The following RASGEF1A variants were observed in gnomAD, a reference collection of about 807,000 sequenced individuals.
RASGEF1A encodes ras-GEF domain-containing family member 1A.
A neutral mutation model predicts 56.4 loss-of-function variants in RASGEF1A; 18 were observed. The observed-to-expected ratio is 0.32, with a 90% CI of 0.22 to 0.47. The LOEUF (loss-of-function observed/expected upper bound fraction) is 0.47. RASGEF1A is among the 20% of genes least tolerant of loss of function. RASGEF1A has a pLI of 1.00. For missense variants in RASGEF1A, 422 were observed against 627.1 expected, an observed-to-expected ratio of 0.67 and a Z score of 3.49; for synonymous variants, 245 against 242.6, an observed-to-expected ratio of 1.01 and a Z score of -0.09.
At chr10:43,199,441 A>G (rs1398970905) in intron 7 of RASGEF1A, among the ~76,000 whole-genome samples, 1 of 152,210 alleles carries the variant, frequency 6.6e-6, no homozygotes, top group Non-Finnish European at 1.5e-5. Context: ...AAAGCCTCAC[A>G]CAGGCAAGAA....
rs947453440 is a variant in RASGEF1A at position 43,196,727 on chromosome 10, C to T, written c.1349-179G>A. On this transcript the variant is annotated intron_variant, in intron 11 of 12. Transcript: ENST00000395810. The surrounding 1 kb of genome is among the most constrained non-coding windows in gnomAD (Gnocchi z 4.6). ...TGTTGGGGACTCTAGGAAGGTTCCT[C>T]GTGTTGCAGCACCTGACCTAAGCCC... is the stretch of plus-strand genomic sequence containing the variant. Among the ~76,000 whole-genome samples the T allele has an allele frequency of 2.0e-5, 3 of 152,190 alleles. No homozygotes were observed. Among genetic ancestry groups the T allele is most frequent in the Non-Finnish European group, 2.9e-5 (2 of 68,032 alleles).
At chr10:43,197,548 C>G (rs553877999) in intron 10 of RASGEF1A, among the ~76,000 whole-genome samples, 1 of 152,242 alleles carries the variant, frequency 6.6e-6, no homozygotes, top group African/African-American at 2.4e-5. Context: ...GCCACCTACA[C>G]CTGCCCTGCC....
intron 1 of RASGEF1A, chr10:43,209,005 C>T: frequency 2.0e-6 from 2 of 985,574 alleles, no homozygotes; most frequent in Non-Finnish European, 2.4e-6. Context: ...CCCCACCCAG[C>T]CCTGAGGTCG....
intron 1 of RASGEF1A, among the ~76,000 whole-genome samples, chr10:43,235,256 C>A (rs537678956): frequency 6.6e-6 from 1 of 152,350 alleles, no homozygotes; most frequent in African/African-American, 2.4e-5. Context: ...TGGGCAGGAG[C>A]CCACCGGCCA....
intron 1 of RASGEF1A, among the ~76,000 whole-genome samples, chr10:43,218,530 T>C (rs1474589492): frequency 1.3e-5 from 2 of 152,294 alleles, no homozygotes; most frequent in South Asian, 4.1e-4. Flanking sequence ...TGGGAGCACA[T>C]GCTGGCCCCA....
At chr10:43,249,439 G>C (rs905376795) in intron 1 of RASGEF1A, among the ~76,000 whole-genome samples, 2 of 152,214 alleles carry the variant, frequency 1.3e-5, no homozygotes, top group Admixed American at 6.5e-5. Flanking sequence ...GGTTCTGTTG[G>C]CCTCAGCTTC....
intron 1 of RASGEF1A, among the ~76,000 whole-genome samples, chr10:43,215,815 G>C (rs1327150078): frequency 6.6e-6 from 1 of 152,214 alleles, no homozygotes; most frequent in African/African-American, 2.4e-5. Context: ...TGGGTTAGGA[G>C]AGAATCAGTG....
chr10:43,212,847 G>T (rs1439731401), intron 1 of RASGEF1A, among the ~76,000 whole-genome samples: 1 of 152,106 alleles, frequency 6.6e-6, no homozygotes, highest in Non-Finnish European at 1.5e-5. Flanking sequence ...AATATTCACA[G>T]CTCCCCCCAC....
At chr10:43,208,551 C>A (rs1202888143) in intron 1 of RASGEF1A, 1 of 985,698 alleles carries the variant, frequency 1.0e-6, no homozygotes, top group Non-Finnish European at 1.2e-6. Context: ...AGGTTCTGCA[C>A]ATGCTCAGAA....
At position 43,203,268 on chromosome 10, in the gene RASGEF1A, C is replaced by T. The variant is rs1182254737; in HGVS notation, c.321+30G>A. 7.1e-6 allele frequency: 11 copies of T among 1,546,068 alleles called. No individual in the cohort carries two copies. The African/African-American group carries it at 1.2e-4, about 17-fold the overall frequency. ...GACCTCGCCTCCTGCCCCCTGCCCC[C>T]GCCCGTGCCCCAGCCAGGCCCCGCC... On this transcript the variant is annotated intron_variant, in intron 3 of 12. Coordinates refer to ENST00000395810, the MANE Select transcript of RASGEF1A (RefSeq NM_145313.4).
intron 2 of RASGEF1A, among the ~76,000 whole-genome samples, chr10:43,204,952 A>G (rs76636249): frequency 0.018 from 2,779 of 152,330 alleles, 83 homozygotes; most frequent in African/African-American, 0.063. Flanking sequence ...AGCCCCAGCC[A>G]AACCCTGACA....
chr10:43,258,455 C>T lies in RASGEF1A; in HGVS notation c.-7+8390G>A, dbSNP rs144693956. 2.3e-4 allele frequency among the ~76,000 whole-genome samples: 35 copies of T among 152,352 alleles called. No homozygotes were observed. The East Asian group carries it at 5.0e-3, about 22-fold the overall frequency. On this transcript the variant is annotated intron_variant, in intron 1 of 12. Transcript: ENST00000395810. ...CTGCCCTCCTCTTTCATGGCCAACC[C>T]AGTGCCCCACCTACCTCAGGGCCAT... is the stretch of plus-strand genomic sequence containing the variant.
At chr10:43,247,384 T>C (rs1588949765) in intron 1 of RASGEF1A, among the ~76,000 whole-genome samples, 1 of 152,226 alleles carries the variant, frequency 6.6e-6, no homozygotes, top group African/African-American at 2.4e-5. Context: ...AGAGTTATCA[T>C]AGGACCCAAC....
At chr10:43,238,128 T>C (rs1030314242) in intron 1 of RASGEF1A, among the ~76,000 whole-genome samples, 7 of 151,564 alleles carry the variant, frequency 4.6e-5, no homozygotes, top group Non-Finnish European at 4.4e-5. Context: ...GATTGAGACC[T>C]GCCTTCAGGA....
rs1839951290 is a variant in RASGEF1A, at chr10:43,203,780, C to G, written c.199-360G>C. On this transcript the variant is annotated intron_variant, in intron 2 of 12. Coordinates refer to ENST00000395810, the MANE Select transcript of RASGEF1A (RefSeq NM_145313.4). ...CTCGCTGCGCCAGGATGCAAGCCAG[C>G]TGCTGTTTCAGATCCTCGTGGGCCG... is the stretch of plus-strand genomic sequence containing the variant. 8.7e-6 allele frequency: 9 copies of G among 1,039,922 alleles called. No homozygotes were observed. In the African/African-American group the frequency reaches 1.6e-4, roughly 18 times the overall value. The allele number at this position is 1,039,922 out of a possible 1,614,324, so 64.4% of individuals were successfully genotyped here.
chr10:43,241,536 A>G (rs1840497615), intron 1 of RASGEF1A, among the ~76,000 whole-genome samples: 1 of 152,226 alleles, frequency 6.6e-6, no homozygotes, highest in South Asian at 2.1e-4. Context: ...TACAGGCAAC[A>G]GGTAAGAAAA....
intron 1 of RASGEF1A, among the ~76,000 whole-genome samples, chr10:43,229,924 G>T (rs1564537444): frequency 6.6e-6 from 1 of 151,978 alleles, no homozygotes; most frequent in Non-Finnish European, 1.5e-5. Flanking sequence ...GCAGGGACCC[G>T]GGGCGGCCTG....
intron 1 of RASGEF1A, among the ~76,000 whole-genome samples, chr10:43,245,916 T>C (rs190169084): frequency 1.3e-5 from 2 of 152,230 alleles, no homozygotes; most frequent in East Asian, 1.9e-4. Flanking sequence ...GCCTCGGCAA[T>C]TGGATAAGAA....
At chr10:43,228,402 T>C (rs577076309) in intron 1 of RASGEF1A, among the ~76,000 whole-genome samples, 28 of 152,306 alleles carry the variant, frequency 1.8e-4, no homozygotes, top group Admixed American at 1.8e-3. Flanking sequence ...AGGACTGTCA[T>C]TGGAGGTCCG....
Sources: gnomAD v4.1 joint callset for allele counts (sites outside exome capture counted in the v4.1 genomes callset) on GRCh38, gnomAD v4.1.1 for gene constraint, Gnocchi (gnomAD v3.1) non-coding constraint, MANE v1.5 for transcripts, NCBI Gene and HGNC (gene_info 2026-07-23, HGNC 2026-07-21) for gene names.